The following SEZ6L variants were observed in gnomAD, a reference collection of about 807,000 sequenced individuals.
SEZ6L encodes seizure 6-like protein.
Under a neutral mutation model 106.2 loss-of-function variants are expected in SEZ6L, and 37 were observed. That is an observed-to-expected ratio of 0.35 (90% CI 0.27 to 0.46). The LOEUF is 0.46. Ranked by LOEUF, SEZ6L falls within the 20% of genes least tolerant of loss-of-function variation. SEZ6L has a pLI of 1.00. For synonymous variants in SEZ6L, 541 were observed against 570.4 expected, an observed-to-expected ratio of 0.95 and a Z score of 0.73; for missense variants, 1,172 against 1,332.8, an observed-to-expected ratio of 0.88 and a Z score of 1.88.
intron 1 of SEZ6L, among the ~76,000 whole-genome samples, chr22:26,203,961 G>C (rs1003999781): frequency 7.9e-5 from 12 of 152,206 alleles, no homozygotes; most frequent in African/African-American, 2.9e-4. Context: ...CAAGAGGGTT[G>C]TTACTGCCAT....
At chr22:26,262,788 T>C (rs2080058269) in intron 1 of SEZ6L, among the ~76,000 whole-genome samples, 1 of 152,204 alleles carries the variant, frequency 6.6e-6, no homozygotes, top group Non-Finnish European at 1.5e-5. Flanking sequence ...GCTCAAATTC[T>C]TTATCAAGAG....
At position 26,368,202 on chromosome 22, in the gene SEZ6L, C is replaced by T. The variant is rs571320942; in HGVS notation, c.2794+2636C>T. Among the ~76,000 whole-genome samples, 484 of 152,266 alleles carry T rather than the reference C, an allele frequency of 3.2e-3. 2 individuals are homozygous for T. The highest frequency in any genetic ancestry group is 6.0e-3 in the Non-Finnish European group (411 of 68,020). ...CCCCAAATGCCTTATTCATGAACCCCAGCTCTGAGGCTTAAAACTACTTTC... is the reference window on the plus strand; with the variant it reads ...CCCCAAATGCCTTATTCATGAACCCTAGCTCTGAGGCTTAAAACTACTTTC... On this transcript the variant is annotated intron_variant, in intron 13 of 16. Transcript: ENST00000248933.
At chr22:26,202,520 TC>T (rs892193505) in intron 1 of SEZ6L, among the ~76,000 whole-genome samples, 2 of 152,178 alleles carry the variant, frequency 1.3e-5, no homozygotes, top group African/African-American at 4.8e-5. Flanking sequence ...CTACCCAGCT[TC>T]CTCCCCAAAA....
At chr22:26,175,738 A>G (rs540175568) in intron 1 of SEZ6L, among the ~76,000 whole-genome samples, 2 of 152,214 alleles carry the variant, frequency 1.3e-5, no homozygotes, top group African/African-American at 4.8e-5. Flanking sequence ...CCATTAATGG[A>G]GAACTCACAT....
At chr22:26,172,450 G>C (rs2123757147) in intron 1 of SEZ6L, among the ~76,000 whole-genome samples, 1 of 152,294 alleles carries the variant, frequency 6.6e-6, no homozygotes, top group East Asian at 1.9e-4. Flanking sequence ...TTTCTGATCA[G>C]AGTGGCTTGT....
Position 26,375,587 on chromosome 22 carries a change from C to T in SEZ6L, c.2840C>T (p.Ala947Val). The T allele has an allele frequency of 6.2e-7, 1 of 1,614,040 alleles. No individual in the cohort carries two copies. The highest frequency in any genetic ancestry group is 8.5e-7 in the Non-Finnish European group (1 of 1,179,922). Residue 947 changes from alanine (A) to valine (V), a missense_variant, in exon 15 of 17, where the codon GCA becomes GTA. Transcript: ENST00000248933. ...CTCCTGTGTTCAGTAGCAGAAGCGG[C>T]AGCAGAGACGTCGCTGGAAGGGGGG... Reference protein sequence around the residue: ...FEHALEVAEAAAETSLEGGNM... With the variant: ...FEHALEVAEAVAETSLEGGNM...
intron 1 of SEZ6L, among the ~76,000 whole-genome samples, chr22:26,243,189 A>G (rs897268750): frequency 1.1e-4 from 17 of 152,182 alleles, no homozygotes; most frequent in Admixed American, 4.6e-4. Context: ...CAATGACTCA[A>G]TTTCCAAAAA....
In SEZ6L at chr22:26,293,094, C is replaced by A; in HGVS notation, c.783C>A (p.Thr261=). 1 of 1,604,966 alleles carries A rather than the reference C, an allele frequency of 6.2e-7. No individual in the cohort carries two copies. The highest frequency in any genetic ancestry group is 8.5e-7 in the Non-Finnish European group (1 of 1,178,164). ...TGSASEESQE[T]TTSTIITTTV... ...CAGCCTCAGAGGAGAGCCAGGAGAC[C>A]ACTACCTCCACCATTATCACCACCA... The change falls in exon 2 of 17, where the codon ACC becomes ACA. Residue 261 remains threonine, a synonymous_variant. Transcript: ENST00000248933.
intron 1 of SEZ6L, among the ~76,000 whole-genome samples, chr22:26,280,392 T>C (rs2080723595): frequency 6.6e-6 from 1 of 152,162 alleles, no homozygotes; most frequent in African/African-American, 2.4e-5. Context: ...ACATAGTTCA[T>C]TTCTTGTGTA....
At chr22:26,254,285 G>A (rs976466603) in intron 1 of SEZ6L, among the ~76,000 whole-genome samples, 2 of 151,922 alleles carry the variant, frequency 1.3e-5, no homozygotes, top group Non-Finnish European at 2.9e-5. Flanking sequence ...TTCAACTGTA[G>A]CAAAAGTTGT....
At chr22:26,308,256 C>G (rs759081932) in intron 6 of SEZ6L, among the ~76,000 whole-genome samples, 1 of 150,254 alleles carries the variant, frequency 6.7e-6, no homozygotes, top group Non-Finnish European at 1.5e-5. Flanking sequence ...TCCAAAAATA[C>G]AGAGGGAGGG....
rs891472591 is a variant in SEZ6L at position 26,327,821 on chromosome 22, G to A, written c.2016-12615G>A. On this transcript the variant is annotated intron_variant, in intron 9 of 16. Transcript: ENST00000248933. ...TCTCGCACCCTGACTTAGATGTCCCGGAATGTAGAAGGCCCTGGGTTCCAC... is the reference window on the plus strand; with the variant it reads ...TCTCGCACCCTGACTTAGATGTCCCAGAATGTAGAAGGCCCTGGGTTCCAC... Among the ~76,000 whole-genome samples, 7 of 152,304 alleles carry A rather than the reference G, an allele frequency of 4.6e-5. No homozygotes were observed. In the East Asian group the frequency reaches 5.8e-4, roughly 13 times the overall value.
chr22:26,275,382 G>A (rs137184), intron 1 of SEZ6L, among the ~76,000 whole-genome samples: 9,313 of 152,218 alleles, frequency 0.061, 879 homozygotes, highest in African/African-American at 0.21. Flanking sequence ...AAGCTAGGAT[G>A]TTCAGTAGGT....
intron 3 of SEZ6L, among the ~76,000 whole-genome samples, chr22:26,296,247 G>T (rs903372484): frequency 3.3e-5 from 5 of 152,152 alleles, no homozygotes; most frequent in African/African-American, 1.2e-4. Context: ...TGAGATAGGG[G>T]TTGATTGTCC....
chr22:26,356,585 T>C (rs2083442014), intron 12 of SEZ6L, among the ~76,000 whole-genome samples: 2 of 151,808 alleles, frequency 1.3e-5, no homozygotes, highest in South Asian at 4.2e-4. Flanking sequence ...GAGGTTGCAG[T>C]GAGCTGAGAT....
At chr22:26,338,867 C>CTTT (rs71192914) in intron 9 of SEZ6L, among the ~76,000 whole-genome samples, 1 of 87,468 alleles carries the variant, frequency 1.1e-5, no homozygotes, top group Admixed American at 1.5e-4. Context: ...TTTTTTTTTT[C>CTTT]TTTTTTTTTT....
In SEZ6L at chr22:26,275,127, C is replaced by T. The variant is rs533517085; in HGVS notation, c.95-17279C>T. Among the ~76,000 whole-genome samples, 3 of 152,330 alleles carry T rather than the reference C, an allele frequency of 2.0e-5. No homozygotes were observed. In the South Asian group the frequency reaches 6.2e-4, roughly 32 times the overall value. ...CTGTGCAGGGTGTGGACAACCCAGACCTGCTGAGTTAATCCTTTACTGCAC... is the reference window on the plus strand; with the variant it reads ...CTGTGCAGGGTGTGGACAACCCAGATCTGCTGAGTTAATCCTTTACTGCAC... On this transcript the variant is annotated intron_variant, in intron 1 of 16. Coordinates refer to ENST00000248933, the MANE Select transcript of SEZ6L (RefSeq NM_021115.5).
chr22:26,329,753 A>G (rs1448305027), intron 9 of SEZ6L, among the ~76,000 whole-genome samples: 1 of 152,152 alleles, frequency 6.6e-6, no homozygotes, highest in Non-Finnish European at 1.5e-5. Flanking sequence ...TTACTCCTCT[A>G]TGGGATTCAT....
intron 1 of SEZ6L, among the ~76,000 whole-genome samples, chr22:26,247,954 T>A (rs1468328538): frequency 6.6e-6 from 1 of 152,338 alleles, no homozygotes; most frequent in East Asian, 1.9e-4. Context: ...GTCTCCTTGA[T>A]GTCCCTGCCT....
Sources: allele counts gnomAD v4.1 joint callset (sites outside exome capture counted in the v4.1 genomes callset), GRCh38; gene constraint gnomAD v4.1.1; transcripts MANE v1.5; gene names NCBI Gene and HGNC (gene_info 2026-07-23, HGNC 2026-07-21).